ABCB1: variants seen among roughly 807,000 people sequenced by gnomAD.
ABCB1 encodes ATP-dependent translocase ABCB1.
ABCB1 carries 69 observed loss-of-function variants against 142.0 expected under a neutral mutation model. That is an observed-to-expected ratio of 0.49 (90% CI 0.40 to 0.59). The LOEUF (loss-of-function observed/expected upper bound fraction) is 0.59, where lower values mean the gene tolerates loss of function less well. ABCB1 is among the 20% of genes least tolerant of loss of function. ABCB1 has a pLI of 0.00. For synonymous variants in ABCB1, 532 were observed against 539.2 expected (o/e 0.99, Z 0.18); for missense variants, 1,326 against 1,554.7 (o/e 0.85, Z 2.47).
intron 1 of ABCB1, among the ~76,000 whole-genome samples, chr7:87,689,686 A>C (rs969209939): frequency 6.6e-6 from 1 of 152,176 alleles, no homozygotes; most frequent in Non-Finnish European, 1.5e-5. Flanking sequence ...TTAGGAGGGT[A>C]TCATAATAAT....
At chr7:87,621,650 T>C (rs865790490) in intron 1 of ABCB1, among the ~76,000 whole-genome samples, 1 of 152,130 alleles carries the variant, frequency 6.6e-6, no homozygotes, top group Non-Finnish European at 1.5e-5. Flanking sequence ...AAAATTTCTA[T>C]GGGAAACAAA....
rs1346113816 is a variant in ABCB1 at position 87,561,401 on chromosome 7, C to A, written c.703-14G>T. On this transcript the variant is annotated splice_polypyrimidine_tract_variant and intron_variant, in intron 7 of 27. Transcript: ENST00000622132. ...TGAAGATAGTATCTGTTTAAAAATACAATTTTGGATCATGAAAAAAACACG... is the reference window on the plus strand; with the variant it reads ...TGAAGATAGTATCTGTTTAAAAATAAAATTTTGGATCATGAAAAAAACACG... 14 of 1,605,638 alleles carry A rather than the reference C, an allele frequency of 8.7e-6. No individual in the cohort carries two copies. In the Admixed American group the frequency reaches 2.0e-4, roughly 23 times the overall value.
At chr7:87,504,632 C>T (rs535045004) in intron 27 of ABCB1, among the ~76,000 whole-genome samples, 183 bp from the exon 28 acceptor site, 28 of 152,154 alleles carry the variant, frequency 1.8e-4, no homozygotes, top group East Asian at 1.9e-4. Flanking sequence ...GGTGAAACCC[C>T]ATCTCTATCA....
intron 7 of ABCB1, among the ~76,000 whole-genome samples, chr7:87,561,827 A>C (rs1270398351): frequency 6.6e-6 from 1 of 152,120 alleles, no homozygotes; most frequent in African/African-American, 2.4e-5. Context: ...CTCTACAAAA[A>C]AATTAAAAAT....
In ABCB1 at chr7:87,680,610, T is replaced by C. The variant is rs1024998844; in HGVS notation, c.-331+32551A>G. On this transcript the variant is annotated intron_variant, in intron 1 of 28. Transcript: ENST00000265724. Reference sequence around the variant, plus strand: ...GAGTTTAAGGCCAGCCTGACTAACATGGTGAAACCCCGTTTCTACCAAAAA... The same window carrying C: ...GAGTTTAAGGCCAGCCTGACTAACACGGTGAAACCCCGTTTCTACCAAAAA... Among the ~76,000 whole-genome samples, 3 of 150,342 alleles carry C rather than the reference T, an allele frequency of 2.0e-5. No individual in the cohort carries two copies. The East Asian group carries it at 6.0e-4, about 30-fold the overall frequency.
intron 1 of ABCB1, among the ~76,000 whole-genome samples, chr7:87,702,105 T>TGCACTCCA (rs1202805080): frequency 8.7e-6 from 1 of 114,624 alleles, no homozygotes; most frequent in Non-Finnish European, 1.6e-5. Flanking sequence ...ATCGCGCCAC[T>TGCACTCCA]GCACTCCAGC....
intron 4 of ABCB1, among the ~76,000 whole-genome samples, chr7:87,584,666 C>T (rs1269226586): frequency 6.6e-6 from 1 of 152,128 alleles, no homozygotes; most frequent in Admixed American, 6.6e-5. Flanking sequence ...CTCTATCAGC[C>T]AATTCTCCTG....
intron 1 of ABCB1, among the ~76,000 whole-genome samples, chr7:87,705,680 C>T (rs962159481): frequency 2.6e-5 from 4 of 152,164 alleles, no homozygotes; most frequent in Non-Finnish European, 5.9e-5. Context: ...CTAGAATCAG[C>T]ACTCTTAGAA....
intron 1 of ABCB1, among the ~76,000 whole-genome samples, chr7:87,683,063 AT>A (rs1253056644): frequency 6.6e-6 from 1 of 152,016 alleles, no homozygotes; most frequent in Non-Finnish European, 1.5e-5. Flanking sequence ...TATTATTATT[AT>A]TTTTTTATGT....
At chr7:87,544,317 T>A (rs200830030) in intron 16 of ABCB1, 42 bp from the exon 17 acceptor site, 6 of 1,598,364 alleles carry the variant, frequency 3.8e-6, no homozygotes, top group Non-Finnish European at 3.4e-6. Flanking sequence ...TTAAAAACTT[T>A]TATATGTACA....
At chr7:87,638,566 T>G (rs1822078149) in intron 1 of ABCB1, among the ~76,000 whole-genome samples, 1 of 152,124 alleles carries the variant, frequency 6.6e-6, no homozygotes. Flanking sequence ...GGTATGAGTT[T>G]CAGTAGGTTT....
At chr7:87,513,231 A>G (rs150034146) in intron 25 of ABCB1, among the ~76,000 whole-genome samples, 6 of 98,762 alleles carry the variant, frequency 6.1e-5, no homozygotes, top group African/African-American at 2.7e-4. Context: ...GAAGTCTGGG[A>G]GCAAATAGCC....
At chr7:87,541,249 A>G in intron 18 of ABCB1, 108 bp downstream of exon 18, 1 of 770,134 alleles carries the variant, frequency 1.3e-6, no homozygotes, top group Non-Finnish European at 2.2e-6. Context: ...TAGCCATGTT[A>G]ATAGAGAAGT....
At chr7:87,651,705 G>A (rs1032059702) in intron 1 of ABCB1, among the ~76,000 whole-genome samples, 5 of 152,038 alleles carry the variant, frequency 3.3e-5, no homozygotes, top group East Asian at 3.9e-4. Context: ...TAACTTATGA[G>A]CATCTCAGGC....
intron 23 of ABCB1, 134 bp from the exon 24 acceptor site, chr7:87,516,799 C>G: frequency 1.1e-6 from 1 of 878,566 alleles, no homozygotes; most frequent in Non-Finnish European, 1.7e-6. Context: ...TGCAGTAGTG[C>G]AATCAGAGCT....
upstream of ABCB1, among the ~76,000 whole-genome samples, chr7:87,604,523 T>A (rs1296764263): frequency 6.6e-6 from 1 of 152,106 alleles, no homozygotes; most frequent in Non-Finnish European, 1.5e-5. Flanking sequence ...GGACATGTGA[T>A]GATAGGGGAT....
chr7:87,522,415 A>T, intron 21 of ABCB1: 1 of 661,280 alleles, frequency 1.5e-6, no homozygotes. Flanking sequence ...GAAGATTTTA[A>T]ATTACTGCCA....
chr7:87,542,238 T>G (rs1816572055), intron 17 of ABCB1, among the ~76,000 whole-genome samples: 1 of 152,234 alleles, frequency 6.6e-6, no homozygotes, highest in African/African-American at 2.4e-5. Context: ...TAATTTTTTT[T>G]GACTAGTCAG....
intron 20 of ABCB1, among the ~76,000 whole-genome samples, chr7:87,535,647 A>C (rs1380213050): frequency 6.6e-6 from 1 of 152,214 alleles, no homozygotes; most frequent in Non-Finnish European, 1.5e-5. Context: ...TAAGGTTTAT[A>C]TTTCAACGTT....
Sources: gnomAD v4.1 joint callset for allele counts (sites outside exome capture counted in the v4.1 genomes callset) on GRCh38, gnomAD v4.1.1 for gene constraint, MANE v1.5 for transcripts, NCBI Gene and HGNC (gene_info 2026-07-23, HGNC 2026-07-21) for gene names.